Variants in WNT5A observed in about 807,000 individuals in gnomAD.
WNT5A encodes the protein protein Wnt-5a.
Under a neutral mutation model 42.1 loss-of-function variants are expected in WNT5A, and 9 were observed. The ratio of observed to expected loss-of-function variants is 0.21; its 90% CI spans 0.13 to 0.37. The LOEUF is 0.37. Among genes scored for constraint, WNT5A ranks in the 10% least tolerant of loss-of-function variants. The pLI, the probability that WNT5A is intolerant of heterozygous loss-of-function variation, is 1.00. For synonymous variants in WNT5A, 210 were observed against 210.0 expected (o/e 1.00, Z 0.00); for missense variants, 426 against 534.0 (o/e 0.80, Z 1.99).
At chr3:55,470,595 C>G in intron 4 of WNT5A, 45 bp from the exon 5 acceptor site, 1 of 1,451,162 alleles carries the variant, frequency 6.9e-7, no homozygotes, top group Non-Finnish European at 9.1e-7. Flanking sequence ...CATGGAGGAG[C>G]CAGATGCAGG....
upstream of WNT5A, among the ~76,000 whole-genome samples, chr3:55,491,178 A>AG (rs1476328790): frequency 6.6e-6 from 1 of 152,176 alleles, no homozygotes; most frequent in African/African-American, 2.4e-5. Flanking sequence ...ACCCTTCAAT[A>AG]GTGGGTAGGG....
At chr3:55,481,688 G>A (rs1423940503) in intron 1 of WNT5A, among the ~76,000 whole-genome samples, 1 of 152,166 alleles carries the variant, frequency 6.6e-6, no homozygotes, top group East Asian at 1.9e-4. Flanking sequence ...GGGCCCTAGG[G>A]GATAATGGAG....
the WNT5A span, among the ~76,000 whole-genome samples, chr3:55,499,924 G>A: frequency 2.6e-5 from 4 of 151,128 alleles, no homozygotes; most frequent in Admixed American, 1.3e-4. Context: ...GCAGTGAGCC[G>A]AGATAGAGCC....
At chr3:55,481,900 T>G (rs1206764020) in intron 1 of WNT5A, among the ~76,000 whole-genome samples, 2 of 151,918 alleles carry the variant, frequency 1.3e-5, no homozygotes, top group Non-Finnish European at 2.9e-5. Flanking sequence ...TCACTCTCCC[T>G]CCCACCCCAC....
At chr3:55,472,546 C>A (rs965625131) in intron 4 of WNT5A, among the ~76,000 whole-genome samples, 3 of 152,134 alleles carry the variant, frequency 2.0e-5, no homozygotes, top group African/African-American at 7.2e-5. Flanking sequence ...CCCCACCCCC[C>A]CCAAATTTTC....
chr3:55,502,490 T>C, the WNT5A span, among the ~76,000 whole-genome samples: 1 of 152,248 alleles, frequency 6.6e-6, no homozygotes, highest in Admixed American at 6.5e-5. Context: ...AAAAACATAA[T>C]GTTCAGAAAC....
At chr3:55,497,274 A>G in the WNT5A span, 1 of 152,238 alleles carries the variant, frequency 6.6e-6, no homozygotes, top group African/African-American at 2.4e-5. Flanking sequence ...GTAGTCCTGG[A>G]AGAGGGCTAA....
Position 55,487,278 on chromosome 3 carries a change from G to A in WNT5A, c.-293C>T. On this transcript the variant is annotated 5_prime_UTR_variant, in exon 1 of 5. Transcript: ENST00000264634. The stretch of plus-strand genomic sequence containing the variant: ...GTCGGGGCGCAACTAGGGAGCCGCC[G>A]GTCCGGCGAGGGCGCGCAGGCAACT... 1 of 433,242 alleles carries A rather than the reference G, an allele frequency of 2.3e-6. No individual in the cohort carries two copies. The highest frequency in any genetic ancestry group is 4.0e-6 in the Non-Finnish European group (1 of 247,800). 26.8% of individuals were successfully genotyped at this position (433,242 alleles called of 1,614,324 possible).
upstream of WNT5A, chr3:55,487,864 A>C (rs1399173648): frequency 6.6e-6 from 1 of 152,202 alleles, no homozygotes; most frequent in Non-Finnish European, 1.5e-5. Context: ...GTCGCCCCGG[A>C]ACTTATTGCT....
the WNT5A span, among the ~76,000 whole-genome samples, chr3:55,503,012 A>G: frequency 6.6e-6 from 1 of 152,176 alleles, no homozygotes; most frequent in African/African-American, 2.4e-5. Flanking sequence ...TATTGTCCAA[A>G]ACTCTTGCTC....
At chr3:55,499,711 C>T in the WNT5A span, among the ~76,000 whole-genome samples, 4 of 152,140 alleles carry the variant, frequency 2.6e-5, no homozygotes, top group Non-Finnish European at 2.9e-5. Context: ...TGGTGGCTCA[C>T]GCCTGTAATC....
chr3:55,482,973 G>C (rs570947918), intron 1 of WNT5A, among the ~76,000 whole-genome samples: 9 of 152,310 alleles, frequency 5.9e-5, no homozygotes, highest in African/African-American at 1.9e-4. Context: ...CCGAGTCAGC[G>C]GCCCAGATTG....
At chr3:55,488,497 G>C (rs112979012), upstream of WNT5A, among the ~76,000 whole-genome samples, 2 of 118,836 alleles carry the variant, frequency 1.7e-5, no homozygotes, top group East Asian at 5.1e-4. Flanking sequence ...AGAGAGGGAA[G>C]GGGGGGGAAG....
In WNT5A at chr3:55,479,319, T is replaced by A. The variant is rs769955372; in HGVS notation, c.386A>T (p.Gln129Leu). Residue 129 changes from glutamine (Q) to leucine (L), a missense_variant, in exon 3 of 5, where the codon CAG becomes CTG. This residue lies in a region of WNT5A where 358 missense variants were observed against 468.1 expected (regional missense o/e 0.76). Transcript: ENST00000264634. ...TATTTTAAATGTTTTCCTACCTATCTGCATCACCCTGCCAAAAACAGAGGT... is the reference window on the plus strand; with the variant it reads ...TATTTTAAATGTTTTCCTACCTATCAGCATCACCCTGCCAAAAACAGAGGT... Reference protein sequence around the residue: ...DNTSVFGRVMQIGSRETAFTY... With the variant: ...DNTSVFGRVMLIGSRETAFTY... 1 of 1,541,580 alleles carries A rather than the reference T, an allele frequency of 6.5e-7. No homozygotes were observed. Among genetic ancestry groups the A allele is most frequent in the Non-Finnish European group, 8.8e-7 (1 of 1,141,964 alleles).
rs2051192903 is a variant in WNT5A at position 55,468,812 on chromosome 3, G to A, written c.*1280C>T. 6.6e-6 allele frequency: 1 copy of A among 152,460 alleles called. No homozygotes were observed. The allele number at this position is 152,460 out of a possible 1,614,324, so 9.4% of individuals were successfully genotyped here. On this transcript the variant is annotated 3_prime_UTR_variant, in exon 5 of 5. Coordinates refer to ENST00000264634, the MANE Select transcript of WNT5A (RefSeq NM_003392.7). ...GCATGAGTGGATAATCTAAACACAG[G>A]ATCATAACAGTGATACGCTGCAACA...
chr3:55,496,680 T>C, the WNT5A span, among the ~76,000 whole-genome samples: 3 of 152,282 alleles, frequency 2.0e-5, no homozygotes, highest in Admixed American at 6.5e-5. Context: ...AGTGGGAACA[T>C]AAGCGCCTTC....
At chr3:55,480,657 A>C in intron 2 of WNT5A, 128 bp downstream of exon 2, 1 of 977,648 alleles carries the variant, frequency 1.0e-6, no homozygotes, top group East Asian at 3.0e-5. Context: ...TATAAGTAAA[A>C]TGTATACATA....
upstream of WNT5A, among the ~76,000 whole-genome samples, chr3:55,489,545 C>T (rs148452047): frequency 0.019 from 2,939 of 152,208 alleles, 43 homozygotes; most frequent in Non-Finnish European, 0.028. Flanking sequence ...GACCCTTCCC[C>T]AGCCCTGGCC....
At chr3:55,501,463 T>C in the WNT5A span, 1 of 152,276 alleles carries the variant, frequency 6.6e-6, no homozygotes, top group Admixed American at 6.5e-5. Context: ...GCTGGTTGTG[T>C]GTTCTTTTCT....
Sources: allele counts gnomAD v4.1 joint callset (sites outside exome capture counted in the v4.1 genomes callset), GRCh38; gene constraint gnomAD v4.1.1; regional missense constraint gnomAD v4.1.1; transcripts MANE v1.5; gene names NCBI Gene and HGNC (gene_info 2026-07-23, HGNC 2026-07-21).